Variants in NRG1 observed in about 807,000 individuals in gnomAD.
NRG1 encodes the protein pro-neuregulin-1, membrane-bound isoform.
In NRG1, 18 loss-of-function variants were observed where a neutral mutation model predicts 63.8. That is an observed-to-expected ratio of 0.28 (90% CI 0.19 to 0.42). The LOEUF (loss-of-function observed/expected upper bound fraction) is 0.42, where lower values mean the gene tolerates loss of function less well. Among genes scored for constraint, NRG1 ranks in the 10% least tolerant of loss-of-function variants. The pLI is 1.00. For missense variants in NRG1, 762 were observed against 814.7 expected (o/e 0.94, Z 0.79); for synonymous variants, 302 against 301.3 (o/e 1.00, Z -0.02).
chr8:31,783,306 G>A lies in NRG1; in HGVS notation c.37+143875G>A, dbSNP rs141565494. Among the ~76,000 whole-genome samples the A allele has an allele frequency of 2.1e-4, 32 of 152,234 alleles. No homozygotes were observed. The East Asian group carries it at 5.6e-3, about 27-fold the overall frequency. On this transcript the variant is annotated intron_variant, in intron 1 of 10. Transcript: ENST00000519301. ...TGTTTGCAAATACCTTGGGAAGATT[G>A]TGTTTTATAGCAATAGTTTTTTTGC...
intron 5 of NRG1, among the ~76,000 whole-genome samples, chr8:32,620,440 A>G (rs1159592747): frequency 6.6e-6 from 1 of 151,772 alleles, no homozygotes; most frequent in Non-Finnish European, 1.5e-5. Context: ...CAGAGCAAAC[A>G]GATATAGGCA....
chr8:32,167,520 C>A (rs2131972111), intron 1 of NRG1, among the ~76,000 whole-genome samples: 1 of 152,164 alleles, frequency 6.6e-6, no homozygotes, highest in South Asian at 2.1e-4. Flanking sequence ...ACAAAATAAC[C>A]CTCCACTGGT....
At chr8:32,395,608 CTT>C (rs541452250) in intron 1 of NRG1, among the ~76,000 whole-genome samples, 107 of 146,788 alleles carry the variant, frequency 7.3e-4, no homozygotes, top group African/African-American at 2.2e-3. Flanking sequence ...TGAGTTATAA[CTT>C]TTTTTTTTTT....
chr8:32,003,953 GA>G (rs1362166788), intron 1 of NRG1, among the ~76,000 whole-genome samples: 4 of 151,864 alleles, frequency 2.6e-5, no homozygotes, highest in Non-Finnish European at 5.9e-5. Context: ...ATTTAAATGT[GA>G]AAATGAAACA....
At chr8:31,725,121 C>A (rs1288061776) in intron 1 of NRG1, among the ~76,000 whole-genome samples, 3 of 152,160 alleles carry the variant, frequency 2.0e-5, no homozygotes, top group African/African-American at 7.2e-5. Flanking sequence ...TGACTCTTAG[C>A]CCACAGGCTG....
At chr8:32,158,516 G>A (rs1206454320) in intron 1 of NRG1, among the ~76,000 whole-genome samples, 2 of 131,438 alleles carry the variant, frequency 1.5e-5, no homozygotes, top group Non-Finnish European at 3.2e-5. Flanking sequence ...TCACAAAGCT[G>A]AGGTCACTTG....
At position 32,665,694 on chromosome 8, in the gene NRG1, C is replaced by T. The variant is rs118124758; in HGVS notation, c.502+48809C>T. Among the ~76,000 whole-genome samples the T allele has an allele frequency of 4.0e-3, 605 of 152,298 alleles. 4 individuals are homozygous for T. Among genetic ancestry groups the T allele is most frequent in the Middle Eastern group, 0.014 (4 of 294 alleles). On this transcript the variant is annotated intron_variant, in intron 5 of 11. Coordinates refer to ENST00000356819, the Ensembl canonical transcript of NRG1. ...GCAATTTCTACTTGTACAATTTCCA[C>T]TTGTGCTGCTCAAAAACAAGCCATT...
rs529502993 is a variant in NRG1, at chr8:32,590,841, G to A, written c.101-4987G>A. Among the ~76,000 whole-genome samples, 6 of 151,870 alleles carry A rather than the reference G, an allele frequency of 4.0e-5. No individual in the cohort carries two copies. In the South Asian group the frequency reaches 8.3e-4, roughly 21 times the overall value. ...GAAAAAAAGTCATACAAACCACATG[G>A]GCTCAAATATTAGTTTGCACTTTTA... is the stretch of plus-strand genomic sequence containing the variant. On this transcript the variant is annotated intron_variant, in intron 1 of 11. Coordinates refer to ENST00000356819, the Ensembl canonical transcript of NRG1.
chr8:32,570,241 A>T (rs1189103449), intron 1 of NRG1, among the ~76,000 whole-genome samples: 1 of 152,112 alleles, frequency 6.6e-6, no homozygotes, highest in Non-Finnish European at 1.5e-5. Flanking sequence ...TCTATATAAC[A>T]TGCATGTTCT....
intron 1 of NRG1, among the ~76,000 whole-genome samples, chr8:32,564,837 G>C (rs1837137361): frequency 6.6e-6 from 1 of 152,000 alleles, no homozygotes; most frequent in South Asian, 2.1e-4. Context: ...GAGGCAGGAG[G>C]ATTACTTGAG....
Position 32,727,502 on chromosome 8 carries a change from A to G in NRG1, c.503-447A>G, listed in dbSNP as rs550558476. On this transcript the variant is annotated intron_variant, in intron 5 of 11. Coordinates refer to ENST00000356819, the Ensembl canonical transcript of NRG1. ...ATATACATCATGTCTAAAAAATGTA[A>G]AGTCAATAGGCATGTAAAACATTTC... Among the ~76,000 whole-genome samples the G allele has an allele frequency of 2.0e-4, 31 of 152,326 alleles. 2 individuals are homozygous for G. The South Asian group carries it at 6.2e-3, about 31-fold the overall frequency.
intron 1 of NRG1, among the ~76,000 whole-genome samples, chr8:31,652,342 C>A (rs1244804160): frequency 1.3e-5 from 2 of 152,168 alleles, no homozygotes; most frequent in East Asian, 3.8e-4. Context: ...GGATTCTTTC[C>A]TTCTCACATC....
At chr8:31,853,926 G>T (rs1469761723) in intron 1 of NRG1, among the ~76,000 whole-genome samples, 2 of 151,260 alleles carry the variant, frequency 1.3e-5, no homozygotes, top group Admixed American at 1.3e-4. Context: ...ATTGATTTGC[G>T]TGTATTGAAC....
intron 1 of NRG1, among the ~76,000 whole-genome samples, chr8:31,870,738 A>C (rs191985497): frequency 8.5e-4 from 129 of 152,032 alleles, no homozygotes; most frequent in Non-Finnish European, 1.6e-3. Flanking sequence ...TTTTTGATTT[A>C]TTTATTTATT....
intron 1 of NRG1, among the ~76,000 whole-genome samples, chr8:32,023,555 T>C (rs1048765989): frequency 3.3e-5 from 5 of 152,094 alleles, no homozygotes; most frequent in African/African-American, 1.2e-4. Context: ...ATGGCTGAGG[T>C]GAACCCACTG....
intron 5 of NRG1, among the ~76,000 whole-genome samples, chr8:32,640,360 G>A (rs1852125507): frequency 6.6e-6 from 1 of 150,580 alleles, no homozygotes; most frequent in South Asian, 2.1e-4. Flanking sequence ...GTTTCCCATA[G>A]TTTATTCATC....
intron 1 of NRG1, among the ~76,000 whole-genome samples, chr8:31,708,112 A>G (rs1459336031): frequency 6.6e-6 from 1 of 152,144 alleles, no homozygotes; most frequent in Non-Finnish European, 1.5e-5. Context: ...GGACCTGTGA[A>G]CACCACCTTA....
At chr8:31,811,104 C>T (rs1042137237) in intron 1 of NRG1, among the ~76,000 whole-genome samples, 7 of 152,078 alleles carry the variant, frequency 4.6e-5, no homozygotes, top group East Asian at 1.9e-4. Flanking sequence ...TGATAAATAC[C>T]GTGGCTGCTA....
intron 1 of NRG1, among the ~76,000 whole-genome samples, chr8:32,579,218 GGA>G (rs1257536649): frequency 2.1e-3 from 40 of 19,074 alleles, no homozygotes; most frequent in African/African-American, 6.6e-3. Context: ...TTTTTTTTTT[GGA>G]TACTATTGCC....
Sources: allele counts gnomAD v4.1 joint callset (sites outside exome capture counted in the v4.1 genomes callset), GRCh38; gene constraint gnomAD v4.1.1; transcripts MANE v1.5; gene names NCBI Gene and HGNC (gene_info 2026-07-23, HGNC 2026-07-21).